Variants in CPNE9 observed in about 807,000 individuals in gnomAD.
CPNE9 encodes the protein copine-9.
A neutral mutation model predicts 83.0 loss-of-function variants in CPNE9; 59 were observed. The ratio of observed to expected loss-of-function variants is 0.71; its 90% confidence interval spans 0.58 to 0.88. The LOEUF is 0.88. Ranked by LOEUF, CPNE9 falls within the 40% of genes least tolerant of loss-of-function variation. The probability of loss-of-function intolerance (pLI) is 0.00; values close to 1 mark genes in which losing one functional copy is unlikely to be tolerated. For missense variants in CPNE9, 619 were observed against 720.8 expected (o/e 0.86, Z 1.62); for synonymous variants, 256 against 273.4 (o/e 0.94, Z 0.63).
At chr3:9,705,419 T>TACGCC in intron 4 of CPNE9, 45 bp from the exon 5 acceptor site, 6 of 662,642 alleles carry the variant, frequency 9.1e-6, no homozygotes, top group Non-Finnish European at 1.6e-5. Flanking sequence ...TTCCACCCTC[T>TACGCC]CCCCCACCCA....
chr3:9,718,075 G>T lies in CPNE9; in HGVS notation c.978G>T (p.Gln326His). The T allele has an allele frequency of 1.2e-6, 2 of 1,614,122 alleles. No homozygotes were observed. Among genetic ancestry groups the T allele is most frequent in the Non-Finnish European group, 1.7e-6 (2 of 1,179,992 alleles). Residue 326 changes from glutamine to histidine, a missense_variant, in exon 16 of 21, where the codon CAG (glutamine) becomes CAT (histidine). By Grantham distance (24) the Gln-to-His change is conservative (BLOSUM62 0). Coordinates refer to ENST00000383832, the MANE Select transcript of CPNE9 (RefSeq NM_153635.3). ...PTSLHYMSPYQLSAYAMALKA... is the reference protein window; with the variant it reads ...PTSLHYMSPYHLSAYAMALKA... ...CCCTGCACTACATGAGTCCCTACCA[G>T]CTCAGCGCCTATGCCATGGCCCTCA...
chr3:9,728,398 C>T (rs189146793), intron 20 of CPNE9, among the ~76,000 whole-genome samples: 55 of 152,062 alleles, frequency 3.6e-4, no homozygotes, highest in African/African-American at 1.1e-3. Flanking sequence ...CTGAGGCGGG[C>T]GGATTGCCTG....
At chr3:9,717,192 T>C in intron 15 of CPNE9, 88 bp downstream of exon 15, 3 of 1,435,470 alleles carry the variant, frequency 2.1e-6, no homozygotes, top group Non-Finnish European at 2.9e-6. Context: ...TACCTAGAGA[T>C]AAGAGTTTAC....
At chr3:9,726,550 C>T (rs539195173) in intron 18 of CPNE9, 115 bp from the exon 19 acceptor site, 2 of 765,716 alleles carry the variant, frequency 2.6e-6, no homozygotes, top group South Asian at 3.5e-5. Context: ...ATCAAGGTGC[C>T]TCTGCTTACA....
chr3:9,712,567 C>A lies in CPNE9; in HGVS notation c.404C>A (p.Thr135Asn). The change falls in exon 8 of 21, where the codon ACC becomes AAC. Residue 135 changes from threonine (T) to asparagine (N), a missense_variant. By Grantham distance (65) the Thr-to-Asn change is moderately conservative. Around this residue, in one of 3 missense-constraint regions of CPNE9, gnomAD observed 438 missense variants for 562.9 expected, o/e 0.78. Coordinates refer to ENST00000383832, the MANE Select transcript of CPNE9 (RefSeq NM_153635.3). ...GGTGTACCAGGCAAGAAGTGTGGGA[C>A]CATATTGCTGACTGCAGAAGAGCTT... is the stretch of plus-strand genomic sequence containing the variant. The part of the protein sequence containing the change: ...LTGVPGKKCG[T>N]ILLTAEELSN... The A allele has an allele frequency of 6.2e-7, 1 of 1,614,092 alleles. No individual in the cohort carries two copies. Among genetic ancestry groups the A allele is most frequent in the Non-Finnish European group, 8.5e-7 (1 of 1,179,950 alleles).
intron 14 of CPNE9, 63 bp downstream of exon 14, chr3:9,716,098 C>G: frequency 2.8e-6 from 4 of 1,439,946 alleles, no homozygotes; most frequent in Non-Finnish European, 3.8e-6. Flanking sequence ...GTTCTGAGCC[C>G]CAGGTTTCTT....
In CPNE9 at chr3:9,726,177, AAGACTCTTGGATT is replaced by A. The variant is rs1355033792; in HGVS notation, c.1344+130_1344+142del. 1.9e-5 allele frequency: 11 copies of A among 587,306 alleles called. No individual in the cohort carries two copies. The African/African-American group carries it at 1.9e-4, about 10-fold the overall frequency. 36.4% of individuals were successfully genotyped at this position (587,306 alleles called of 1,614,324 possible). ...TTTCATGGATGCTGGCAGAAGACAC[AAGACTCTTGGATT>A]AGAGATAGAGGACTTTGATTTCCAG... On this transcript the variant is annotated intron_variant, in intron 18 of 20. Coordinates refer to ENST00000383832, the MANE Select transcript of CPNE9 (RefSeq NM_153635.3).
chr3:9,704,192 A>C lies in CPNE9; in HGVS notation c.68+128A>C. On this transcript the variant is annotated intron_variant, in intron 1 of 20. Coordinates refer to ENST00000383832, the MANE Select transcript of CPNE9 (RefSeq NM_153635.3). This position sits in a 1 kb window ranked among gnomAD's most constrained non-coding sequence, Gnocchi z 7.1. The stretch of plus-strand genomic sequence containing the variant: ...GAAATTGGCTGGAAAATCACAGCTG[A>C]TGACAGGGCGAGTAGCTGGTGGGAT... 2.3e-6 allele frequency: 2 copies of C among 867,090 alleles called. No individual in the cohort carries two copies. The highest frequency in any genetic ancestry group is 3.5e-6 in the Non-Finnish European group (2 of 564,798). The allele number at this position is 867,090 out of a possible 1,614,324, so 53.7% of individuals were successfully genotyped here.
At position 9,714,734 on chromosome 3, in the gene CPNE9, T is replaced by A. The variant is rs568022323; in HGVS notation, c.651-180T>A. ...GAGTAGTATTAATAGGGGTAGGTGG[T>A]TGGGTACAGGCACAGACTGATGAAT... On this transcript the variant is annotated intron_variant, in intron 10 of 20. Transcript: ENST00000383832. Among the ~76,000 whole-genome samples the A allele has an allele frequency of 1.3e-4, 20 of 149,930 alleles. No individual in the cohort carries two copies. The South Asian group carries it at 3.6e-3, about 27-fold the overall frequency.
At chr3:9,721,079 T>A (rs2076729982) in intron 17 of CPNE9, among the ~76,000 whole-genome samples, 1 of 152,234 alleles carries the variant, frequency 6.6e-6, no homozygotes. Context: ...ATTATCATTA[T>A]TACTATCCAA....
chr3:9,710,835 G>A (rs1438225193), intron 7 of CPNE9, among the ~76,000 whole-genome samples: 2 of 152,064 alleles, frequency 1.3e-5, no homozygotes, highest in Non-Finnish European at 2.9e-5. Flanking sequence ...GACCAGTCTG[G>A]GTAACATAGC....
At chr3:9,711,667 C>A (rs2076630622) in intron 7 of CPNE9, among the ~76,000 whole-genome samples, 1 of 152,292 alleles carries the variant, frequency 6.6e-6, no homozygotes, top group Non-Finnish European at 1.5e-5. Flanking sequence ...ACCCAGGACC[C>A]TCCTGACCTA....
chr3:9,721,776 G>C (rs1325927902), intron 17 of CPNE9, among the ~76,000 whole-genome samples: 1 of 152,212 alleles, frequency 6.6e-6, no homozygotes, highest in East Asian at 1.9e-4. Flanking sequence ...TGGGGATAGA[G>C]AGTGAGAGAA....
chr3:9,717,257 A>C (rs575922581), intron 15 of CPNE9, among the ~76,000 whole-genome samples, 153 bp downstream of exon 15: 2 of 152,358 alleles, frequency 1.3e-5, no homozygotes, highest in South Asian at 4.1e-4. Flanking sequence ...AGAGTGCAGA[A>C]AAATAGATGG....
rs917207801 is a variant in CPNE9, at chr3:9,727,283, C to CT, written c.1476+103dup. ...CACTTACTGCCTTCTCAGTCTCCTA[C>CT]TTTTTTCCCCCGTCACTCTTTCATC... On this transcript the variant is annotated intron_variant, in intron 20 of 20. Coordinates refer to ENST00000383832, the MANE Select transcript of CPNE9 (RefSeq NM_153635.3). 6.0e-5 allele frequency: 76 copies of CT among 1,262,064 alleles called. No individual in the cohort carries two copies. In the Admixed American group the frequency reaches 9.3e-4, roughly 15 times the overall value. The allele number at this position is 1,262,064 out of a possible 1,614,324, so 78.2% of individuals were successfully genotyped here.
intron 7 of CPNE9, among the ~76,000 whole-genome samples, chr3:9,711,313 C>T (rs2076625607): frequency 6.6e-6 from 1 of 152,118 alleles, no homozygotes; most frequent in South Asian, 2.1e-4. Context: ...AGCGATTCTC[C>T]TCCCTCAGCC....
Position 9,727,129 on chromosome 3 carries a change from C to T in CPNE9, c.1419C>T (p.Asp473=), listed in dbSNP as rs368573743. ...TTTCTGCAGCAATGGAAGAGTTGGA[C>T]GGTGATGATGTGCGCGTGTCCTCTA... The part of the protein sequence containing the change: ...PAMFEAMEEL[D]GDDVRVSSRG... Residue 473 remains aspartate, a synonymous_variant, in exon 20 of 21, where the codon GAC becomes GAT. Coordinates refer to ENST00000383832, the MANE Select transcript of CPNE9 (RefSeq NM_153635.3). The T allele has an allele frequency of 2.1e-5, 34 of 1,613,950 alleles. No homozygotes were observed. Among genetic ancestry groups the T allele is most frequent in the Admixed American group, 1.0e-4 (6 of 59,988 alleles).
At chr3:9,708,656 C>T (rs1018580609) in intron 7 of CPNE9, among the ~76,000 whole-genome samples, 4 of 151,914 alleles carry the variant, frequency 2.6e-5, no homozygotes, top group East Asian at 1.9e-4. Context: ...TTTTTTGAGA[C>T]GGAGTCTCGC....
intron 13 of CPNE9, 143 bp downstream of exon 13, chr3:9,715,669 T>G (rs2076676179): frequency 1.4e-6 from 1 of 726,380 alleles, no homozygotes; most frequent in Non-Finnish European, 2.3e-6. Flanking sequence ...GGAGCACCAC[T>G]TAAGTTTTTC....
Sources: gnomAD v4.1 joint callset for allele counts (sites outside exome capture counted in the v4.1 genomes callset) on GRCh38, gnomAD v4.1.1 for gene constraint, gnomAD v4.1.1 regional missense constraint, Gnocchi (gnomAD v3.1) non-coding constraint, MANE v1.5 for transcripts, NCBI Gene and HGNC (gene_info 2026-07-23, HGNC 2026-07-21) for gene names.